The following CYTH3 variants were observed in gnomAD, a reference collection of about 807,000 sequenced individuals.
The protein encoded by CYTH3 is cytohesin 3, also known as cytohesin-3.
CYTH3 carries 23 observed loss-of-function variants against 55.1 expected under a neutral mutation model. The observed-to-expected ratio is 0.42, with a 90% confidence interval of 0.30 to 0.59. CYTH3 has a LOEUF of 0.59. Among genes scored for constraint, CYTH3 ranks in the 20% least tolerant of loss-of-function variants. The probability of loss-of-function intolerance (pLI) is 0.20; values close to 1 mark genes in which losing one functional copy is unlikely to be tolerated. For synonymous variants in CYTH3, 249 were observed against 194.9 expected (o/e 1.28, Z -2.31); for missense variants, 413 against 524.8 (o/e 0.79, Z 2.08).
At chr7:6,204,629 C>G (rs1048700256) in intron 1 of CYTH3, among the ~76,000 whole-genome samples, 1 of 152,176 alleles carries the variant, frequency 6.6e-6, no homozygotes, top group African/African-American at 2.4e-5. Flanking sequence ...AGGATATGCA[C>G]GGACCTCCAT....
intron 4 of CYTH3, 57 bp downstream of exon 4, chr7:6,186,993 A>C (rs1007130723): frequency 6.5e-6 from 10 of 1,547,184 alleles, no homozygotes; most frequent in Non-Finnish European, 8.9e-6. Flanking sequence ...GGGAAACGGC[A>C]GTTCAAATCA....
intron 1 of CYTH3, among the ~76,000 whole-genome samples, chr7:6,217,841 G>A (rs2128550718): frequency 1.3e-5 from 2 of 152,056 alleles, no homozygotes; most frequent in South Asian, 4.1e-4. Context: ...TAACTTACAT[G>A]ACAAAAGGAA....
chr7:6,179,562 G>C (rs1783422147), intron 4 of CYTH3, among the ~76,000 whole-genome samples: 1 of 150,960 alleles, frequency 6.6e-6, no homozygotes, highest in Non-Finnish European at 1.5e-5. Context: ...GGTACCCACA[G>C]GGGCACCATC....
intron 1 of CYTH3, among the ~76,000 whole-genome samples, chr7:6,222,865 A>G (rs1489440825): frequency 6.6e-6 from 1 of 152,212 alleles, no homozygotes; most frequent in African/African-American, 2.4e-5. Flanking sequence ...CTTATTTGAC[A>G]AAACAGCTAA....
At chr7:6,188,126 A>C (rs1783702559) in intron 2 of CYTH3, among the ~76,000 whole-genome samples, 1 of 152,160 alleles carries the variant, frequency 6.6e-6, no homozygotes, top group South Asian at 2.1e-4. Context: ...CAGGAGTTTG[A>C]GAACAGCCTG....
chr7:6,259,528 C>A (rs943183569), intron 1 of CYTH3, among the ~76,000 whole-genome samples: 2 of 150,502 alleles, frequency 1.3e-5, no homozygotes, highest in Non-Finnish European at 2.9e-5. Flanking sequence ...GATATTTATC[C>A]GAAATAAATG....
At position 6,272,599 on chromosome 7, in the gene CYTH3, G is replaced by C. The variant is rs1053061112; in HGVS notation, c.-92C>G. The C allele has an allele frequency of 1.3e-5, 13 of 1,015,860 alleles. No homozygotes were observed. The highest frequency in any genetic ancestry group is 1.4e-5 in the Non-Finnish European group (12 of 831,720). The allele number at this position is 1,015,860 out of a possible 1,614,324, so 62.9% of individuals were successfully genotyped here. A position where few individuals can be genotyped will look rare whatever the true frequency, so the allele number is the denominator to read the frequency against. ...CGCCGGAGGGAGCGCGCAGGCGACC[G>C]GGCGGCTCCTCAGCGCGCGGCCCGG... On this transcript the variant is annotated 5_prime_UTR_variant, in exon 1 of 13. Coordinates refer to ENST00000350796, the MANE Select transcript of CYTH3 (RefSeq NM_004227.4).
chr7:6,245,387 A>C (rs1421111712), intron 1 of CYTH3, among the ~76,000 whole-genome samples: 1 of 152,116 alleles, frequency 6.6e-6, no homozygotes, highest in African/African-American at 2.4e-5. Context: ...GGCCCCACAA[A>C]TTCTGGCTCC....
At chr7:6,272,410 G>GGGGGGGGGGGCCCCCCCCCC in intron 1 of CYTH3, 64 bp downstream of exon 1, 1 of 1,216,614 alleles carries the variant, frequency 8.2e-7, no homozygotes, top group Non-Finnish European at 1.1e-6. Flanking sequence ...CCGCGCCCTC[G>GGGGGGGGGGGCCCCCCCCCC]ACCCCCAGCC....
intron 1 of CYTH3, among the ~76,000 whole-genome samples, chr7:6,264,642 G>C (rs1020891273): frequency 4.6e-5 from 7 of 152,078 alleles, no homozygotes; most frequent in African/African-American, 1.4e-4. Flanking sequence ...ATACACCAGA[G>C]GGCCCCATAT....
chr7:6,222,242 T>C (rs1583174131), intron 1 of CYTH3, among the ~76,000 whole-genome samples: 1 of 152,162 alleles, frequency 6.6e-6, no homozygotes, highest in African/African-American at 2.4e-5. Flanking sequence ...TCAAGGGACA[T>C]CACGGAAGGA....
chr7:6,269,975 C>G (rs1210028170), intron 1 of CYTH3, among the ~76,000 whole-genome samples: 1 of 152,194 alleles, frequency 6.6e-6, no homozygotes, highest in Non-Finnish European at 1.5e-5. Flanking sequence ...CCCCCAGATA[C>G]AGTTCAACAT....
At chr7:6,259,839 T>A (rs1457859543) in intron 1 of CYTH3, among the ~76,000 whole-genome samples, 5 of 80,552 alleles carry the variant, frequency 6.2e-5, no homozygotes, top group African/African-American at 2.9e-4. Flanking sequence ...TATATTTTTT[T>A]TTTTTTTTAA....
intron 1 of CYTH3, among the ~76,000 whole-genome samples, chr7:6,264,275 T>TGTAC (rs1780427942): frequency 2.0e-5 from 3 of 151,406 alleles, no homozygotes; most frequent in Admixed American, 6.6e-5. Context: ...AAAGGAGACC[T>TGTAC]GTACATTGCT....
In CYTH3 at chr7:6,165,309, C is replaced by T. The variant is rs1782961657; in HGVS notation, c.1091G>A (p.Ser364Asn). Residue 364 changes from serine to asparagine, a missense_variant, in exon 12 of 13, where the codon AGC becomes AAC. By Grantham distance (46) the Ser-to-Asn change is conservative. This residue lies in a region of CYTH3 where 98 missense variants were observed against 115.2 expected (regional missense o/e 0.85). Coordinates refer to ENST00000350796, the MANE Select transcript of CYTH3 (RefSeq NM_004227.4). ...CATCCACTCCTCCTTCTCCTCCGGG[C>T]TCGGGGCTGAGATCCGGTACACCAC... ...NHVVYRISAP[S>N]PEEKEEWMKS... is the part of the protein sequence containing the mutation. 1 of 1,613,946 alleles carries T rather than the reference C, an allele frequency of 6.2e-7. No homozygotes were observed. The highest frequency in any genetic ancestry group is 1.3e-5 in the African/African-American group (1 of 75,060).
intron 1 of CYTH3, among the ~76,000 whole-genome samples, chr7:6,196,561 G>C (rs887829170): frequency 1.3e-4 from 19 of 146,258 alleles, no homozygotes; most frequent in African/African-American, 4.8e-4. Context: ...CCACATTCAA[G>C]TGATTCTCCT....
At chr7:6,251,321 G>T (rs1779957392) in intron 1 of CYTH3, among the ~76,000 whole-genome samples, 1 of 148,392 alleles carries the variant, frequency 6.7e-6, no homozygotes, top group African/African-American at 2.6e-5. Flanking sequence ...AAAGCTATCA[G>T]ACTATTCTTT....
At chr7:6,165,906 CAG>C (rs1370609121) in intron 9 of CYTH3, 96 bp from the exon 10 acceptor site, 1 of 1,239,936 alleles carries the variant, frequency 8.1e-7, no homozygotes, top group African/African-American at 1.5e-5. Flanking sequence ...ACTGCGTTTT[CAG>C]AAAGGCCACC....
chr7:6,215,148 A>T (rs1562391669), intron 1 of CYTH3, among the ~76,000 whole-genome samples: 1 of 152,196 alleles, frequency 6.6e-6, no homozygotes, highest in Non-Finnish European at 1.5e-5. Context: ...CATGGAGCAC[A>T]TGAGAGTTGA....
Sources: gnomAD v4.1 joint callset for allele counts (sites outside exome capture counted in the v4.1 genomes callset) on GRCh38, gnomAD v4.1.1 for gene constraint, gnomAD v4.1.1 regional missense constraint, MANE v1.5 for transcripts, NCBI Gene and HGNC (gene_info 2026-07-23, HGNC 2026-07-21) for gene names.